The following CDH20 variants were observed in gnomAD, a reference collection of about 807,000 sequenced individuals.
CDH20 encodes the protein cadherin-20.
A neutral mutation model predicts 74.2 loss-of-function variants in CDH20; 29 were observed. The observed-to-expected ratio is 0.39, with a 90% CI of 0.29 to 0.53. The LOEUF is 0.53. Ranked by LOEUF, CDH20 falls within the 20% of genes least tolerant of loss-of-function variation. CDH20 has a pLI of 0.69. For synonymous variants in CDH20, 469 were observed against 405.4 expected, an observed-to-expected ratio of 1.16 and a Z score of -1.88; for missense variants, 988 against 1,048.3, an observed-to-expected ratio of 0.94 and a Z score of 0.79.
At chr18:61,477,000 C>T (rs781496813) in intron 1 of CDH20, among the ~76,000 whole-genome samples, 3 of 152,098 alleles carry the variant, frequency 2.0e-5, no homozygotes, top group South Asian at 2.1e-4. Context: ...GAGAACACCT[C>T]GCACACTTGC....
intron 1 of CDH20, among the ~76,000 whole-genome samples, chr18:61,462,848 A>G (rs1046900578): frequency 2.6e-5 from 4 of 152,180 alleles, no homozygotes; most frequent in Non-Finnish European, 5.9e-5. Flanking sequence ...AAGAAAACAA[A>G]GTTCAAAAGG....
At chr18:61,469,364 TACACACACACACACAC>T (rs35516738) in intron 1 of CDH20, among the ~76,000 whole-genome samples, 8 of 142,452 alleles carry the variant, frequency 5.6e-5, no homozygotes, top group South Asian at 4.6e-4. Flanking sequence ...TGAGAATGAA[TACACACACACACACAC>T]ACACACACAC....
At chr18:61,354,662 C>T (rs1290084027) in intron 1 of CDH20, among the ~76,000 whole-genome samples, 1 of 151,988 alleles carries the variant, frequency 6.6e-6, no homozygotes, top group African/African-American at 2.4e-5. Context: ...AGTAGCTAAA[C>T]TTCCCTCATG....
At chr18:61,522,116 A>G (rs1165525324) in intron 6 of CDH20, among the ~76,000 whole-genome samples, 1 of 152,216 alleles carries the variant, frequency 6.6e-6, no homozygotes, top group Non-Finnish European at 1.5e-5. Flanking sequence ...ATTGGAAAAG[A>G]GGAAGTCAAA....
chr18:61,447,488 T>C (rs1470468261), intron 1 of CDH20, among the ~76,000 whole-genome samples: 2 of 152,196 alleles, frequency 1.3e-5, no homozygotes, highest in South Asian at 4.1e-4. Context: ...ACAAAGAGAT[T>C]GGCGACGAGC....
chr18:61,346,181 A>G (rs1910109852), intron 1 of CDH20, among the ~76,000 whole-genome samples: 1 of 152,202 alleles, frequency 6.6e-6, no homozygotes, highest in African/African-American at 2.4e-5. Context: ...AATGACCACT[A>G]AGCCATGGTC....
chr18:61,354,769 C>T (rs373361070), intron 1 of CDH20, among the ~76,000 whole-genome samples: 2 of 152,054 alleles, frequency 1.3e-5, no homozygotes, highest in African/African-American at 2.4e-5. Context: ...TTATTTCATC[C>T]GCTCAGCTTA....
intron 6 of CDH20, among the ~76,000 whole-genome samples, chr18:61,517,677 G>A (rs1326741717): frequency 2.1e-5 from 3 of 144,188 alleles, no homozygotes; most frequent in Non-Finnish European, 4.5e-5. Flanking sequence ...AGCAGACACC[G>A]AACTAGCTGC....
intron 1 of CDH20, among the ~76,000 whole-genome samples, chr18:61,461,769 G>A (rs917600077): frequency 6.6e-6 from 1 of 152,100 alleles, no homozygotes; most frequent in Non-Finnish European, 1.5e-5. Context: ...GAATTTTCTG[G>A]GGTCCAAATA....
chr18:61,373,333 G>T, intron 1 of CDH20, among the ~76,000 whole-genome samples: 1 of 150,934 alleles, frequency 6.6e-6, no homozygotes. Flanking sequence ...CTTTTATTGT[G>T]CATAAAACCC....
chr18:61,392,232 C>T (rs372484271), intron 1 of CDH20, among the ~76,000 whole-genome samples: 5 of 137,206 alleles, frequency 3.6e-5, no homozygotes, highest in African/African-American at 1.1e-4. Flanking sequence ...CTGTGTGGAA[C>T]CTTCTTGCTC....
intron 6 of CDH20, among the ~76,000 whole-genome samples, chr18:61,524,453 A>G (rs1052415751): frequency 6.6e-6 from 1 of 152,214 alleles, no homozygotes; most frequent in African/African-American, 2.4e-5. Context: ...CTAGGTATTT[A>G]CCCCACTGAA....
intron 1 of CDH20, among the ~76,000 whole-genome samples, chr18:61,401,585 T>C (rs1912155657): frequency 6.6e-6 from 1 of 152,232 alleles, no homozygotes; most frequent in Non-Finnish European, 1.5e-5. Flanking sequence ...CTTCAGATTC[T>C]ACAGTAACAG....
chr18:61,345,429 T>C (rs964062583), intron 1 of CDH20, among the ~76,000 whole-genome samples: 1 of 152,164 alleles, frequency 6.6e-6, no homozygotes, highest in African/African-American at 2.4e-5. Context: ...CACCTGTCAG[T>C]GACCAGGGTC....
chr18:61,469,396 CACACACA>C (rs1910081290), intron 1 of CDH20, among the ~76,000 whole-genome samples: 1 of 150,906 alleles, frequency 6.6e-6, no homozygotes, highest in East Asian at 1.9e-4. Flanking sequence ...CACACACACA[CACACACA>C]CCCCTATATA....
intron 1 of CDH20, among the ~76,000 whole-genome samples, chr18:61,371,317 A>C (rs1444096308): frequency 2.0e-5 from 3 of 152,068 alleles, no homozygotes; most frequent in Non-Finnish European, 4.4e-5. Context: ...TTCCTACTGA[A>C]CAAAAAATTA....
At chr18:61,532,648 C>T (rs563980634) in intron 7 of CDH20, among the ~76,000 whole-genome samples, 2 of 139,080 alleles carry the variant, frequency 1.4e-5, no homozygotes, top group East Asian at 3.9e-4. Flanking sequence ...ATATTCTATT[C>T]TATTTCATTT....
At chr18:61,412,024 T>G (rs1405987500) in intron 1 of CDH20, among the ~76,000 whole-genome samples, 1 of 151,222 alleles carries the variant, frequency 6.6e-6, no homozygotes, top group East Asian at 1.9e-4. Flanking sequence ...AAAAATAATT[T>G]TAAAAAGTGA....
chr18:61,545,923 C>A (rs1913232159), intron 10 of CDH20, among the ~76,000 whole-genome samples: 1 of 152,136 alleles, frequency 6.6e-6, no homozygotes, highest in Admixed American at 6.5e-5. Context: ...AACAAGCATT[C>A]AGACCAGCTA....
Sources: gnomAD v4.1 joint callset for allele counts (sites outside exome capture counted in the v4.1 genomes callset) on GRCh38, gnomAD v4.1.1 for gene constraint, MANE v1.5 for transcripts, NCBI Gene and HGNC (gene_info 2026-07-23, HGNC 2026-07-21) for gene names.